TPP2: variants seen among roughly 807,000 people sequenced by gnomAD.
TPP2 encodes tripeptidyl peptidase 2.
In TPP2, 34 loss-of-function variants were observed where a neutral mutation model predicts 155.9. That is an observed-to-expected ratio of 0.22 (90% confidence interval 0.17 to 0.29). The LOEUF is 0.29. Ranked by LOEUF, TPP2 falls within the 10% of genes least tolerant of loss-of-function variation. TPP2 has a pLI of 1.00. For synonymous variants in TPP2, 510 were observed against 529.4 expected (o/e 0.96, Z 0.50); for missense variants, 1,028 against 1,522.3 (o/e 0.68, Z 5.40).
In TPP2 at chr13:102,597,011, C is replaced by A; in HGVS notation, c.-28C>A. ...AGTCCGCGCGCAGCCTGGCAGTTTG[C>A]CGCTTCCTCGTCCTCCATCCTGCGT... On this transcript the variant is annotated 5_prime_UTR_variant, in exon 1 of 30. Coordinates refer to ENST00000376052, the MANE Select transcript of TPP2 (RefSeq NM_001330588.2). 6.2e-7 allele frequency: 1 copy of A among 1,606,084 alleles called. No individual in the cohort carries two copies. The highest frequency in any genetic ancestry group is 8.5e-7 in the Non-Finnish European group (1 of 1,176,824).
chr13:102,596,997 A>C lies in TPP2; in HGVS notation c.-42A>C. On this transcript the variant is annotated 5_prime_UTR_variant, in exon 1 of 30. Transcript: ENST00000376052. ...GTCCTCGCGCTGCTAGTCCGCGCGC[A>C]GCCTGGCAGTTTGCCGCTTCCTCGT... 6.3e-7 allele frequency: 1 copy of C among 1,598,692 alleles called. No homozygotes were observed. Among genetic ancestry groups the C allele is most frequent in the Non-Finnish European group, 8.5e-7 (1 of 1,173,196 alleles).
At chr13:102,625,425 A>G (rs556073409) in intron 6 of TPP2, among the ~76,000 whole-genome samples, 30 of 152,042 alleles carry the variant, frequency 2.0e-4, no homozygotes, top group African/African-American at 6.8e-4. Context: ...CGGCTTCCCA[A>G]AGTGCTGGGA....
chr13:102,608,764 C>T (rs1436424154), intron 2 of TPP2, among the ~76,000 whole-genome samples: 1 of 152,004 alleles, frequency 6.6e-6, no homozygotes, highest in Non-Finnish European at 1.5e-5. Context: ...TCCTCCTCTC[C>T]TTTCTCCCTT....
intron 25 of TPP2, among the ~76,000 whole-genome samples, chr13:102,658,636 C>T (rs1884006351): frequency 6.6e-6 from 1 of 152,184 alleles, no homozygotes; most frequent in Non-Finnish European, 1.5e-5. Context: ...AAAATACCTA[C>T]AAGAATTGGA....
At chr13:102,654,656 G>C (rs936865090) in intron 24 of TPP2, among the ~76,000 whole-genome samples, 1 of 152,176 alleles carries the variant, frequency 6.6e-6, no homozygotes, top group Admixed American at 6.5e-5. Context: ...GGTGTGGGAA[G>C]CTCAGGGAGA....
chr13:102,617,123 C>T (rs749003949), intron 4 of TPP2, among the ~76,000 whole-genome samples: 6 of 151,874 alleles, frequency 4.0e-5, no homozygotes, highest in Non-Finnish European at 4.4e-5. Flanking sequence ...ACCGTGTTGG[C>T]CAGGCTGGTC....
At chr13:102,624,643 A>T (rs1595155550) in intron 6 of TPP2, among the ~76,000 whole-genome samples, 1 of 152,168 alleles carries the variant, frequency 6.6e-6, no homozygotes, top group Non-Finnish European at 1.5e-5. Flanking sequence ...TGATTTTGAG[A>T]TTCATTAATG....
chr13:102,629,445 G>A, intron 8 of TPP2, 37 bp from the exon 9 acceptor site: 1 of 1,451,732 alleles, frequency 6.9e-7, no homozygotes. Context: ...GGGAATAGAG[G>A]CTGATTATAT....
At chr13:102,631,960 A>G (rs183885726) in intron 10 of TPP2, among the ~76,000 whole-genome samples, 154 of 152,274 alleles carry the variant, frequency 1.0e-3, no homozygotes, top group African/African-American at 3.6e-3. Flanking sequence ...GTATTACCAA[A>G]TGTCTGGGCC....
intron 24 of TPP2, among the ~76,000 whole-genome samples, chr13:102,653,287 A>G (rs34652812): frequency 0.32 from 47,930 of 152,158 alleles, 7,889 homozygotes; most frequent in Non-Finnish European, 0.38. Context: ...AGCATTTTGT[A>G]TATAATTCTT....
rs12584425 is a variant in TPP2, at chr13:102,669,879, C to T, written c.3372-4404C>T. Among the ~76,000 whole-genome samples, 1,218 of 152,156 alleles carry T rather than the reference C, an allele frequency of 8.0e-3. 33 individuals carry two copies. Among genetic ancestry groups the T allele is most frequent in the East Asian group, 0.065 (336 of 5,176 alleles). On this transcript the variant is annotated intron_variant, in intron 27 of 29. Transcript: ENST00000376052. ...AAATAGGATGTGTACATTGATCCACCGATTGCTGAAATCAAAGAAAAACTG... is the reference window on the plus strand; with the variant it reads ...AAATAGGATGTGTACATTGATCCACTGATTGCTGAAATCAAAGAAAAACTG...
At chr13:102,623,288 G>T (rs1881303273) in intron 6 of TPP2, among the ~76,000 whole-genome samples, 1 of 152,220 alleles carries the variant, frequency 6.6e-6, no homozygotes, top group African/African-American at 2.4e-5. Context: ...AATAGGCTGG[G>T]TGCAGTGGCT....
At chr13:102,630,225 C>A (rs764596204) in intron 10 of TPP2, 30 bp downstream of exon 10, 1 of 1,540,106 alleles carries the variant, frequency 6.5e-7, no homozygotes, top group Non-Finnish European at 9.0e-7. Flanking sequence ...GGAACCATTA[C>A]GTATATTCGG....
chr13:102,604,810 A>G lies in TPP2; in HGVS notation c.183A>G (p.Lys61=). ...ATTTTCAGGTTACAACTGATGGAAA[A>G]CCAAAAATCGTTGATATCATTGATA... is the stretch of plus-strand genomic sequence containing the variant. ...APGMQVTTDG[K]PKIVDIIDTT... Residue 61 remains lysine (K), a synonymous_variant, in exon 2 of 30, where the codon AAA becomes AAG. Coordinates refer to ENST00000376052, the MANE Select transcript of TPP2 (RefSeq NM_001330588.2). The G allele has an allele frequency of 6.2e-7, 1 of 1,611,032 alleles. No individual in the cohort carries two copies. The highest frequency in any genetic ancestry group is 8.5e-7 in the Non-Finnish European group (1 of 1,179,328).
chr13:102,603,497 AAG>A (rs1224939168), intron 1 of TPP2, among the ~76,000 whole-genome samples: 1 of 152,210 alleles, frequency 6.6e-6, no homozygotes, highest in Non-Finnish European at 1.5e-5. Context: ...GGAACAACTG[AAG>A]AGATAAAGAA....
intron 6 of TPP2, among the ~76,000 whole-genome samples, chr13:102,623,279 A>G (rs749872221): frequency 5.3e-5 from 8 of 152,228 alleles, no homozygotes; most frequent in Non-Finnish European, 8.8e-5. Flanking sequence ...AAATCCATCA[A>G]TAGGCTGGGT....
chr13:102,675,230 A>G (rs1885217552), intron 28 of TPP2, among the ~76,000 whole-genome samples: 1 of 152,190 alleles, frequency 6.6e-6, no homozygotes, highest in Non-Finnish European at 1.5e-5. Flanking sequence ...GAAAATTCTT[A>G]TATGGTTCAG....
Position 102,666,874 on chromosome 13 carries a change from A to G in TPP2, c.3371+1949A>G, listed in dbSNP as rs185630732. On this transcript the variant is annotated intron_variant, in intron 27 of 29. Transcript: ENST00000376052. ...GGGATAAAACTAGAAAAGAAGCCATAAAACTTTGTAAAAACGCTAAGAGTG... is the reference window on the plus strand; with the variant it reads ...GGGATAAAACTAGAAAAGAAGCCATGAAACTTTGTAAAAACGCTAAGAGTG... Among the ~76,000 whole-genome samples the G allele has an allele frequency of 2.4e-3, 356 of 151,134 alleles. 3 individuals carry two copies. Among genetic ancestry groups the G allele is most frequent in the African/African-American group, 8.0e-3 (329 of 41,214 alleles).
intron 29 of TPP2, among the ~76,000 whole-genome samples, chr13:102,677,370 TG>T (rs1169965645): frequency 0.022 from 1,695 of 78,296 alleles, 39 homozygotes; most frequent in African/African-American, 0.15. Flanking sequence ...CCCTCCACTC[TG>T]CCCCCCCCGC....
Sources: gnomAD v4.1 joint callset for allele counts (sites outside exome capture counted in the v4.1 genomes callset) on GRCh38, gnomAD v4.1.1 for gene constraint, MANE v1.5 for transcripts, NCBI Gene and HGNC (gene_info 2026-07-23, HGNC 2026-07-21) for gene names.